The following XRRA1 variants were observed in gnomAD, a reference collection of about 807,000 sequenced individuals.
The protein encoded by XRRA1 is X-ray radiation resistance-associated protein 1.
Under a neutral mutation model 80.2 loss-of-function variants are expected in XRRA1, and 69 were observed. The ratio of observed to expected loss-of-function variants is 0.86; its 90% CI spans 0.71 to 1.05. The LOEUF is 1.05. Ranked by LOEUF, XRRA1 falls within the 50% of genes least tolerant of loss-of-function variation. XRRA1 has a pLI of 0.00. For synonymous variants in XRRA1, 348 were observed against 389.9 expected, an observed-to-expected ratio of 0.89 and a Z score of 1.27; for missense variants, 967 against 976.4, an observed-to-expected ratio of 0.99 and a Z score of 0.13.
intron 2 of XRRA1, 135 bp from the exon 3 acceptor site, chr11:74,941,017 C>A: frequency 3.2e-6 from 2 of 629,712 alleles, no homozygotes; most frequent in Admixed American, 2.7e-5. Context: ...CCCTGGAGGC[C>A]CCACTGCCCT....
At chr11:74,947,127 A>G (rs1947735521) in intron 1 of XRRA1, among the ~76,000 whole-genome samples, 1 of 152,176 alleles carries the variant, frequency 6.6e-6, no homozygotes, top group African/African-American at 2.4e-5. Flanking sequence ...AACCCAACCC[A>G]TGAACAAAAT....
chr11:74,863,157 A>C (rs2042670090), intron 10 of XRRA1, 136 bp from the exon 11 acceptor site: 3 of 771,940 alleles, frequency 3.9e-6, no homozygotes, highest in Admixed American at 2.1e-5. Flanking sequence ...CCTCAGCCCC[A>C]GTGCTAACTA....
At chr11:74,927,089 T>C (rs1043133740) in intron 7 of XRRA1, among the ~76,000 whole-genome samples, 1 of 152,178 alleles carries the variant, frequency 6.6e-6, no homozygotes, top group African/African-American at 2.4e-5. Flanking sequence ...GTTTTAAAAC[T>C]CACTTTTCTG....
chr11:74,869,659 A>AT (rs1167347404), intron 10 of XRRA1, among the ~76,000 whole-genome samples: 4 of 152,132 alleles, frequency 2.6e-5, no homozygotes, highest in Non-Finnish European at 5.9e-5. Flanking sequence ...GGGGGCGACC[A>AT]TTTTTTTGTG....
intron 10 of XRRA1, among the ~76,000 whole-genome samples, chr11:74,880,964 G>C (rs1407775450): frequency 6.8e-6 from 1 of 147,886 alleles, no homozygotes; most frequent in Non-Finnish European, 1.5e-5. Flanking sequence ...GAGTTCTGTA[G>C]ATGTCTATTA....
chr11:74,947,461 C>G (rs1247438130), intron 1 of XRRA1, among the ~76,000 whole-genome samples: 3 of 152,010 alleles, frequency 2.0e-5, no homozygotes, highest in Non-Finnish European at 2.9e-5. Context: ...CTGCTTGAAC[C>G]CAGGAGGCAG....
chr11:74,900,327 A>G (rs541220930), intron 10 of XRRA1, among the ~76,000 whole-genome samples: 1 of 152,316 alleles, frequency 6.6e-6, no homozygotes, highest in Non-Finnish European at 1.5e-5. Context: ...TCATGCCTGT[A>G]ATCCCAGCAC....
intron 15 of XRRA1, among the ~76,000 whole-genome samples, chr11:74,847,549 T>TA (rs892480961): frequency 1.3e-5 from 2 of 152,194 alleles, no homozygotes; most frequent in African/African-American, 4.8e-5. Context: ...TTCACCTTTT[T>TA]AATTCCTACT....
At chr11:74,908,921 C>T (rs955280221) in intron 8 of XRRA1, among the ~76,000 whole-genome samples, 4 of 152,184 alleles carry the variant, frequency 2.6e-5, no homozygotes, top group Non-Finnish European at 5.9e-5. Context: ...CACAGGCAGC[C>T]CACCTGTAAA....
intron 8 of XRRA1, among the ~76,000 whole-genome samples, chr11:74,910,979 C>A (rs569326963): frequency 3.3e-5 from 5 of 151,808 alleles, no homozygotes; most frequent in African/African-American, 1.2e-4. Flanking sequence ...GAGGAGAGAG[C>A]GAGAAGGAGG....
intron 8 of XRRA1, among the ~76,000 whole-genome samples, chr11:74,917,686 A>T (rs1001865809): frequency 1.3e-5 from 2 of 152,200 alleles, no homozygotes; most frequent in African/African-American, 4.8e-5. Context: ...GAATTAATGG[A>T]AATGAAAGTA....
chr11:74,910,261 C>A (rs983122021), intron 8 of XRRA1, among the ~76,000 whole-genome samples: 4 of 152,112 alleles, frequency 2.6e-5, no homozygotes, highest in Admixed American at 2.6e-4. Flanking sequence ...GATGTGGCTA[C>A]TAAAAAGCTA....
chr11:74,905,758 GT>G (rs2054454857), intron 10 of XRRA1, among the ~76,000 whole-genome samples: 1 of 152,086 alleles, frequency 6.6e-6, no homozygotes, highest in African/African-American at 2.4e-5. Context: ...AGAGATCTGG[GT>G]CTCAGCTACA....
At position 74,927,247 on chromosome 11, in the gene XRRA1, C is replaced by A; in HGVS notation, c.522+144G>T. 2 of 344,222 alleles carry A rather than the reference C, an allele frequency of 5.8e-6. 1 individual carries two copies. The highest frequency in any genetic ancestry group is 1.1e-5 in the Non-Finnish European group (2 of 188,060). The allele number at this position is 344,222 out of a possible 1,614,324, so 21.3% of individuals were successfully genotyped here. On this transcript the variant is annotated intron_variant, in intron 7 of 18. Coordinates refer to ENST00000684022, the MANE Select transcript of XRRA1 (RefSeq NM_001378157.1). ...TACCCTTACAACCCCCACCCCCACC[C>A]TCCCTGGAGGCCAGCAATGAAGCAA...
intron 7 of XRRA1, among the ~76,000 whole-genome samples, chr11:74,922,555 GC>G (rs1474681313): frequency 6.6e-6 from 1 of 152,148 alleles, no homozygotes; most frequent in Admixed American, 6.5e-5. Flanking sequence ...GCTTCCCTGT[GC>G]CCCCCTCCTC....
At chr11:74,934,806 T>A (rs946029520) in intron 4 of XRRA1, among the ~76,000 whole-genome samples, 3 of 152,198 alleles carry the variant, frequency 2.0e-5, no homozygotes, top group South Asian at 2.1e-4. Flanking sequence ...AGCAGATTTT[T>A]AGCAGGGGGC....
chr11:74,934,702 AAAAC>A (rs1293028349), intron 4 of XRRA1, among the ~76,000 whole-genome samples: 1 of 152,158 alleles, frequency 6.6e-6, no homozygotes, highest in African/African-American at 2.4e-5. Flanking sequence ...GAGAGGATGA[AAAAC>A]AAGATAAGGT....
chr11:74,873,704 T>C (rs2045410726), intron 10 of XRRA1, among the ~76,000 whole-genome samples: 1 of 152,192 alleles, frequency 6.6e-6, no homozygotes, highest in Non-Finnish European at 1.5e-5. Context: ...CTTAATTTCT[T>C]AGCCAACAGA....
intron 9 of XRRA1, 76 bp downstream of exon 9, chr11:74,907,069 T>C (rs1402885845): frequency 2.6e-5 from 41 of 1,588,484 alleles, no homozygotes; most frequent in Non-Finnish European, 3.5e-5. Context: ...ACCTTTTGGC[T>C]TCCAGAACAG....
Sources: allele counts gnomAD v4.1 joint callset (sites outside exome capture counted in the v4.1 genomes callset), GRCh38; gene constraint gnomAD v4.1.1; transcripts MANE v1.5; gene names NCBI Gene and HGNC (gene_info 2026-07-23, HGNC 2026-07-21).